The following RYR3 variants were observed in gnomAD, a reference collection of about 807,000 sequenced individuals.
RYR3 encodes ryanodine receptor 3, also known as brain ryanodine receptor-calcium release channel.
Under a neutral mutation model 584.3 loss-of-function variants are expected in RYR3, and 207 were observed. The ratio of observed to expected loss-of-function variants is 0.35; its 90% CI spans 0.32 to 0.40. The LOEUF (loss-of-function observed/expected upper bound fraction) is 0.40. Among genes scored for constraint, RYR3 ranks in the 10% least tolerant of loss-of-function variants. RYR3 has a pLI of 1.00. For missense variants in RYR3, 5,616 were observed against 6,089.2 expected (o/e 0.92, Z 2.59); for synonymous variants, 2,416 against 2,248.5 (o/e 1.07, Z -2.11).
intron 2 of RYR3, among the ~76,000 whole-genome samples, chr15:33,495,527 C>T (rs1454666082): frequency 6.6e-6 from 1 of 152,124 alleles, no homozygotes; most frequent in Admixed American, 6.5e-5. Context: ...AGTGCAATGC[C>T]TGGTACAATT....
intron 69 of RYR3, among the ~76,000 whole-genome samples, chr15:33,804,273 T>C (rs547495749): frequency 3.3e-5 from 5 of 152,314 alleles, no homozygotes; most frequent in African/African-American, 1.2e-4. Context: ...ACTTAACGAA[T>C]GGATGAGAGG....
In RYR3 at chr15:33,596,797, A is replaced by G. The variant is rs190742142; in HGVS notation, c.1789-4622A>G. 9.3e-3 allele frequency among the ~76,000 whole-genome samples: 1,410 copies of G among 152,198 alleles called. 23 individuals carry two copies. Among genetic ancestry groups the G allele is most frequent in the African/African-American group, 0.032 (1,319 of 41,514 alleles). Reference sequence around the variant, plus strand: ...AACCATAATCTCTTTGCTATAGAACACTAGAACTTATTCCTCCCATCTAGC... The same window carrying G: ...AACCATAATCTCTTTGCTATAGAACGCTAGAACTTATTCCTCCCATCTAGC... On this transcript the variant is annotated intron_variant, in intron 16 of 103. Transcript: ENST00000634891.
rs767831680 is a variant in RYR3 at position 33,662,254 on chromosome 15, G to A, written c.4724G>A (p.Arg1575His). The change falls in exon 35 of 104, where the codon CGC becomes CAC. Residue 1575 changes from arginine to histidine, a missense_variant. Around this residue, in one of 9 missense-constraint regions of RYR3, gnomAD observed 753 missense variants for 741.0 expected, o/e 1.02. Transcript: ENST00000634891. Reference protein sequence around the residue: ...YSAVCALGNSRVAYALCSHVD... With the variant: ...YSAVCALGNSHVAYALCSHVD... ...GCGGTGTGCGCCCTGGGAAACAGCCGCGTGGCCTACGCCCTGTGCAGCCAC... is the reference window on the plus strand; with the variant it reads ...GCGGTGTGCGCCCTGGGAAACAGCCACGTGGCCTACGCCCTGTGCAGCCAC... The A allele has an allele frequency of 3.1e-5, 50 of 1,609,782 alleles. No homozygotes were observed. Among genetic ancestry groups the A allele is most frequent in the Admixed American group, 6.7e-5 (4 of 59,408 alleles).
intron 1 of RYR3, among the ~76,000 whole-genome samples, chr15:33,391,841 C>T (rs971752624): frequency 1.1e-4 from 16 of 152,062 alleles, no homozygotes; most frequent in African/African-American, 3.6e-4. Context: ...TTCAGCCATG[C>T]TTTTCTTCTC....
In RYR3 at chr15:33,784,354, G is replaced by A. The variant is rs938355874; in HGVS notation, c.9269-1308G>A. ...AATGGATATAAAATCTGAAAATCTA[G>A]AGAAGAAAGACCTCAAGCCAATGGT... On this transcript the variant is annotated intron_variant, in intron 65 of 103. Coordinates refer to ENST00000634891, the MANE Select transcript of RYR3 (RefSeq NM_001036.6). Among the ~76,000 whole-genome samples, 11 of 152,310 alleles carry A rather than the reference G, an allele frequency of 7.2e-5. No homozygotes were observed. The East Asian group carries it at 1.9e-3, about 27-fold the overall frequency.
Position 33,409,668 on chromosome 15 carries a change from G to A in RYR3, c.52-63751G>A, listed in dbSNP as rs181918030. 1.7e-3 allele frequency among the ~76,000 whole-genome samples: 261 copies of A among 152,290 alleles called. 5 individuals carry two copies. In the South Asian group the frequency reaches 0.03, roughly 18 times the overall value. On this transcript the variant is annotated intron_variant, in intron 1 of 103. Transcript: ENST00000634891. ...AAAATTTTCCCTATTGTTTGGAGTG[G>A]GAGGGTCAATCTGATCCTTCTGTTT... is the stretch of plus-strand genomic sequence containing the variant.
At position 33,530,602 on chromosome 15, in the gene RYR3, G is replaced by A. The variant is rs1255183301; in HGVS notation, c.290G>A (p.Gly97Glu). ...GENGGEGAAQ[G>E]GGHRTLLYGH... ...TCCTCATTCCCACAGGCAGCACAAGGAGGTGGCCACAGGACCCTGTTATAC... is the reference window on the plus strand; with the variant it reads ...TCCTCATTCCCACAGGCAGCACAAGAAGGTGGCCACAGGACCCTGTTATAC... Residue 97 changes from glycine to glutamate, a missense_variant, in exon 4 of 104, where the codon GGA becomes GAA. Coordinates refer to ENST00000634891, the MANE Select transcript of RYR3 (RefSeq NM_001036.6). 7 of 1,613,122 alleles carry A rather than the reference G, an allele frequency of 4.3e-6. No individual in the cohort carries two copies. The highest frequency in any genetic ancestry group is 5.9e-6 in the Non-Finnish European group (7 of 1,179,222).
intron 31 of RYR3, among the ~76,000 whole-genome samples, chr15:33,651,633 A>G (rs2062472277): frequency 6.6e-6 from 1 of 152,188 alleles, no homozygotes; most frequent in Non-Finnish European, 1.5e-5. Flanking sequence ...TACAGGATCT[A>G]TTCCAGCATC....
chr15:33,546,028 C>G (rs1369638789), intron 8 of RYR3, among the ~76,000 whole-genome samples: 1 of 152,166 alleles, frequency 6.6e-6, no homozygotes, highest in Non-Finnish European at 1.5e-5. Context: ...AAGCTGTCAG[C>G]CAAGCTTTCA....
At chr15:33,697,829 T>G in intron 39 of RYR3, 53 bp from the exon 40 acceptor site, 1 of 1,125,002 alleles carries the variant, frequency 8.9e-7, no homozygotes, top group Non-Finnish European at 1.4e-6. Flanking sequence ...CCCTGAATTT[T>G]CATAGCATAT....
rs537344292 is a variant in RYR3 at position 33,814,235 on chromosome 15, C to T, written c.10502+656C>T. 5.9e-5 allele frequency among the ~76,000 whole-genome samples: 9 copies of T among 152,184 alleles called. No homozygotes were observed. The South Asian group carries it at 1.2e-3, about 21-fold the overall frequency. On this transcript the variant is annotated intron_variant, in intron 74 of 103. Transcript: ENST00000634891. ...CTGGCCCAGAGTTGACCACCCAGACCGATTCAGTGTCTTTGGTGATGTGGT... is the reference window on the plus strand; with the variant it reads ...CTGGCCCAGAGTTGACCACCCAGACTGATTCAGTGTCTTTGGTGATGTGGT...
Position 33,520,630 on chromosome 15 carries a change from C to G in RYR3, c.280-9962C>G, listed in dbSNP as rs147045272. On this transcript the variant is annotated intron_variant, in intron 3 of 103. Coordinates refer to ENST00000634891, the MANE Select transcript of RYR3 (RefSeq NM_001036.6). The stretch of plus-strand genomic sequence containing the variant: ...AAAAAAAAATTGCCTCACCTCTTTC[C>G]AAAGCATACTTGTCATCAATCTAAA... 2.0e-5 allele frequency among the ~76,000 whole-genome samples: 3 copies of G among 152,278 alleles called. No individual in the cohort carries two copies. In the East Asian group the frequency reaches 5.8e-4, roughly 29 times the overall value.
intron 1 of RYR3, among the ~76,000 whole-genome samples, chr15:33,440,406 C>T (rs558395819): frequency 6.6e-6 from 1 of 152,188 alleles, no homozygotes. Context: ...CTGTCCCATG[C>T]GTGTTTTAGG....
intron 2 of RYR3, among the ~76,000 whole-genome samples, chr15:33,501,993 A>G (rs1018929767): frequency 1.3e-5 from 2 of 152,212 alleles, no homozygotes; most frequent in South Asian, 2.1e-4. Context: ...AAATTCCTGT[A>G]TTGCCAGAAT....
chr15:33,330,695 A>T (rs1004168982), intron 1 of RYR3, among the ~76,000 whole-genome samples: 9 of 152,214 alleles, frequency 5.9e-5, no homozygotes, highest in Non-Finnish European at 1.0e-4. Context: ...ATGTAAGTGA[A>T]CAATAACTGG....
chr15:33,773,471 C>CTTT, intron 63 of RYR3, 63 bp from the exon 64 acceptor site: 10 of 1,188,142 alleles, frequency 8.4e-6, no homozygotes, highest in Admixed American at 6.6e-5. Context: ...TTTTTTTCCT[C>CTTT]TTCATGGATC....
chr15:33,389,301 A>G (rs2041840385), intron 1 of RYR3, among the ~76,000 whole-genome samples: 2 of 152,230 alleles, frequency 1.3e-5, no homozygotes, highest in Admixed American at 6.5e-5. Context: ...TACAGAAACC[A>G]AAAGTAGCAA....
At chr15:33,575,883 A>G (rs1292572205) in intron 12 of RYR3, among the ~76,000 whole-genome samples, 1 of 152,102 alleles carries the variant, frequency 6.6e-6, no homozygotes, top group African/African-American at 2.4e-5. Flanking sequence ...TAATGAAGAA[A>G]AAGAGAAGAA....
chr15:33,804,702 G>A lies in RYR3; in HGVS notation c.10011+2741G>A, dbSNP rs138668582. Reference sequence around the variant, plus strand: ...TGGAACTACATACTGAGGGGTTAGGGCAGGAGTATTCTTCCTTATCAGTTG... The same window carrying A: ...TGGAACTACATACTGAGGGGTTAGGACAGGAGTATTCTTCCTTATCAGTTG... On this transcript the variant is annotated intron_variant, in intron 69 of 103. Transcript: ENST00000634891. Among the ~76,000 whole-genome samples, 31 of 152,300 alleles carry A rather than the reference G, an allele frequency of 2.0e-4. No homozygotes were observed. In the East Asian group the frequency reaches 5.4e-3, roughly 27 times the overall value.
Sources: allele counts gnomAD v4.1 joint callset (sites outside exome capture counted in the v4.1 genomes callset), GRCh38; gene constraint gnomAD v4.1.1; regional missense constraint gnomAD v4.1.1; transcripts MANE v1.5; gene names NCBI Gene and HGNC (gene_info 2026-07-23, HGNC 2026-07-21).